ARNT: variants seen among roughly 807,000 people sequenced by gnomAD.
ARNT encodes the protein class E basic helix-loop-helix protein 2.
A neutral mutation model predicts 105.0 loss-of-function variants in ARNT; 30 were observed. The ratio of observed to expected loss-of-function variants is 0.29; its 90% CI spans 0.21 to 0.39. ARNT has a LOEUF of 0.39. Among genes scored for constraint, ARNT ranks in the 10% least tolerant of loss-of-function variants. The probability of loss-of-function intolerance (pLI) is 1.00; values close to 1 mark genes in which losing one functional copy is unlikely to be tolerated. For synonymous variants in ARNT, 304 were observed against 344.0 expected, an observed-to-expected ratio of 0.88 and a Z score of 1.29; for missense variants, 748 against 978.7, an observed-to-expected ratio of 0.76 and a Z score of 3.15.
At chr1:150,871,861 T>C (rs1667501314) in intron 1 of ARNT, among the ~76,000 whole-genome samples, 1 of 117,188 alleles carries the variant, frequency 8.5e-6, no homozygotes, top group African/African-American at 3.3e-5. Flanking sequence ...TGAGCCAAGA[T>C]CACGCCATTG....
At chr1:150,868,111 T>C (rs1034066740) in intron 1 of ARNT, among the ~76,000 whole-genome samples, 1 of 151,812 alleles carries the variant, frequency 6.6e-6, no homozygotes, top group Non-Finnish European at 1.5e-5. Context: ...GAAAGGCAGG[T>C]AGGTGGGCAA....
Position 150,829,781 on chromosome 1 carries a change from A to G in ARNT, c.1032+123T>C, listed in dbSNP as rs184190461. 8.2e-5 allele frequency: 91 copies of G among 1,107,416 alleles called. No individual in the cohort carries two copies. The East Asian group carries it at 1.4e-3, about 17-fold the overall frequency. The allele number at this position is 1,107,416 out of a possible 1,614,324, so 68.6% of individuals were successfully genotyped here. A position where few individuals can be genotyped will look rare whatever the true frequency, so the allele number is the denominator to read the frequency against. ...TCACTATAAATGCCATATTCCTTCA[A>G]ATTTTGAGAGTTTTATGGAATTCTT... On this transcript the variant is annotated intron_variant, in intron 11 of 21. Coordinates refer to ENST00000358595, the MANE Select transcript of ARNT (RefSeq NM_001668.4).
At chr1:150,862,502 A>T (rs1439033105) in intron 1 of ARNT, among the ~76,000 whole-genome samples, 1 of 152,056 alleles carries the variant, frequency 6.6e-6, no homozygotes, top group Non-Finnish European at 1.5e-5. Flanking sequence ...TGTTACTGCT[A>T]ATTTTTCTAT....
intron 6 of ARNT, among the ~76,000 whole-genome samples, chr1:150,837,646 G>A (rs1356306707): frequency 6.6e-6 from 1 of 151,744 alleles, no homozygotes; most frequent in Non-Finnish European, 1.5e-5. Context: ...TTCATCTTAA[G>A]CCCTCTTTAT....
chr1:150,830,864 C>T (rs916971613), intron 10 of ARNT, among the ~76,000 whole-genome samples: 8 of 152,202 alleles, frequency 5.3e-5, no homozygotes, highest in South Asian at 2.1e-4. Flanking sequence ...AGATCACATA[C>T]TTTAACTGTG....
At chr1:150,864,747 A>G in intron 1 of ARNT, among the ~76,000 whole-genome samples, 1 of 148,046 alleles carries the variant, frequency 6.8e-6, no homozygotes, top group African/African-American at 2.5e-5. Flanking sequence ...ATGTACCCTA[A>G]AACTTAAAGT....
rs1664477251 is a variant in ARNT, at chr1:150,855,728, C to A, written c.137+2621G>T. On this transcript the variant is annotated intron_variant, in intron 2 of 21. Coordinates refer to ENST00000358595, the MANE Select transcript of ARNT (RefSeq NM_001668.4). Reference sequence around the variant, plus strand: ...ACCAGCCTGGTCAACGTAGTGAGACCATGTCTTTAAAAAAAAAAAAAAAAA... The same window carrying A: ...ACCAGCCTGGTCAACGTAGTGAGACAATGTCTTTAAAAAAAAAAAAAAAAA... Among the ~76,000 whole-genome samples the A allele has an allele frequency of 2.0e-5, 3 of 149,046 alleles. No homozygotes were observed. In the East Asian group the frequency reaches 5.9e-4, roughly 29 times the overall value.
rs141388962 is a variant in ARNT, at chr1:150,833,578, C to G, written c.803+960G>C. Among the ~76,000 whole-genome samples, 670 of 152,154 alleles carry G rather than the reference C, an allele frequency of 4.4e-3. 5 individuals are homozygous for G. Among genetic ancestry groups the G allele is most frequent in the African/African-American group, 0.015 (633 of 41,510 alleles). On this transcript the variant is annotated intron_variant, in intron 8 of 21. Coordinates refer to ENST00000358595, the MANE Select transcript of ARNT (RefSeq NM_001668.4). ...CCTCTCCAAGCAAACCTTTAATATC[C>G]TACCCATAATTTCTAGCAACTATCC...
intron 3 of ARNT, among the ~76,000 whole-genome samples, chr1:150,849,170 T>C (rs1662832632): frequency 6.6e-6 from 1 of 151,688 alleles, no homozygotes; most frequent in Non-Finnish European, 1.5e-5. Context: ...ACCATTGCAC[T>C]CCAGCCTGGG....
intron 1 of ARNT, among the ~76,000 whole-genome samples, chr1:150,863,585 T>C (rs955681714): frequency 5.9e-5 from 9 of 151,884 alleles, no homozygotes; most frequent in African/African-American, 1.9e-4. Context: ...TCCCAACACT[T>C]TGGGAGGCCG....
chr1:150,830,185 A>G (rs1170905958), intron 10 of ARNT: 1 of 499,198 alleles, frequency 2.0e-6, no homozygotes, highest in East Asian at 3.4e-5. Flanking sequence ...ATCTCTACTA[A>G]AAATACAAAA....
chr1:150,821,294 C>T (rs587672877), intron 14 of ARNT, among the ~76,000 whole-genome samples: 36 of 152,314 alleles, frequency 2.4e-4, no homozygotes, highest in Middle Eastern at 3.4e-3. Context: ...GGGAAGACTT[C>T]CAGCATCACT....
intron 3 of ARNT, among the ~76,000 whole-genome samples, chr1:150,851,183 C>T (rs1206278504): frequency 1.3e-5 from 2 of 149,902 alleles, no homozygotes. Flanking sequence ...GCCACCCCGT[C>T]CAGGAGAGAG....
intron 1 of ARNT, among the ~76,000 whole-genome samples, chr1:150,867,151 C>G (rs1207258096): frequency 2.0e-5 from 3 of 152,028 alleles, no homozygotes; most frequent in African/African-American, 7.3e-5. Context: ...CTGCGGTGAG[C>G]CAAGATCGCA....
chr1:150,838,800 C>A (rs1489461279), intron 6 of ARNT, among the ~76,000 whole-genome samples: 1 of 152,204 alleles, frequency 6.6e-6, no homozygotes, highest in Non-Finnish European at 1.5e-5. Flanking sequence ...CCATTCTATT[C>A]ACTTTAGCCA....
chr1:150,830,011 G>A (rs1659059164), intron 10 of ARNT, 31 bp from the exon 11 acceptor site: 7 of 1,611,032 alleles, frequency 4.3e-6, no homozygotes, highest in South Asian at 3.3e-5. Context: ...AAGGTTTAAC[G>A]GGGACCTCCA....
In ARNT at chr1:150,835,138, C is replaced by CAAA. The variant is rs11459475; in HGVS notation, c.701-501_701-499dup. On this transcript the variant is annotated intron_variant, in intron 7 of 21. Coordinates refer to ENST00000358595, the MANE Select transcript of ARNT (RefSeq NM_001668.4). ...TCAGCAATAAAGCAAGACCTTGTCT[C>CAAA]AAAAAAAAAAAAAAGAATAAAAAGA... Among the ~76,000 whole-genome samples, 183 of 134,192 alleles carry CAAA rather than the reference C, an allele frequency of 1.4e-3. 2 individuals carry two copies. The highest frequency in any genetic ancestry group is 2.3e-3 in the Non-Finnish European group (145 of 63,774). The allele number at this position is 134,192 out of a possible 152,430, so 88.0% of individuals were successfully genotyped here.
At chr1:150,813,954 C>G in intron 20 of ARNT, 123 bp downstream of exon 20, 1 of 1,297,898 alleles carries the variant, frequency 7.7e-7, no homozygotes, top group South Asian at 1.4e-5. Flanking sequence ...AATAGATTGT[C>G]ACCTTGCATT....
rs587603374 is a variant in ARNT at position 150,830,219 on chromosome 1, A to C, written c.956-239T>G. On this transcript the variant is annotated intron_variant, in intron 10 of 21. Coordinates refer to ENST00000358595, the MANE Select transcript of ARNT (RefSeq NM_001668.4). ...AAATTAGCCAGGCATGGTGGCATGC[A>C]CCTGTAATCCCAGCTACTTGGGAGG... is the stretch of plus-strand genomic sequence containing the variant. 2.8e-5 allele frequency: 11 copies of C among 393,336 alleles called. No individual in the cohort carries two copies. The South Asian group carries it at 3.3e-4, about 12-fold the overall frequency. The allele number at this position is 393,336 out of a possible 1,614,324, so 24.4% of individuals were successfully genotyped here. A position where few individuals can be genotyped will look rare whatever the true frequency, so the allele number is the denominator to read the frequency against.
Sources: gnomAD v4.1 joint callset for allele counts (sites outside exome capture counted in the v4.1 genomes callset) on GRCh38, gnomAD v4.1.1 for gene constraint, MANE v1.5 for transcripts, NCBI Gene and HGNC (gene_info 2026-07-23, HGNC 2026-07-21) for gene names.